Variants in TBC1D22A observed in about 807,000 individuals in gnomAD.
The protein encoded by TBC1D22A is putative GTPase activator.
TBC1D22A carries 38 observed loss-of-function variants against 60.2 expected under a neutral mutation model. That is an observed-to-expected ratio of 0.63 (90% confidence interval 0.49 to 0.83). TBC1D22A has a LOEUF of 0.83. Ranked by LOEUF, TBC1D22A falls within the 40% of genes least tolerant of loss-of-function variation. The pLI, the probability that TBC1D22A is intolerant of heterozygous loss-of-function variation, is 0.00. For synonymous variants in TBC1D22A, 302 were observed against 281.7 expected (o/e 1.07, Z -0.72); for missense variants, 628 against 701.0 (o/e 0.90, Z 1.18).
chr22:47,075,067 CA>C (rs1307750963), intron 11 of TBC1D22A, among the ~76,000 whole-genome samples: 1 of 151,988 alleles, frequency 6.6e-6, no homozygotes, highest in Non-Finnish European at 1.5e-5. Flanking sequence ...ACTAAAAATA[CA>C]AAAAATTAGC....
At chr22:47,147,931 C>T (rs922501529) in intron 12 of TBC1D22A, among the ~76,000 whole-genome samples, 1 of 152,160 alleles carries the variant, frequency 6.6e-6, no homozygotes, top group African/African-American at 2.4e-5. Flanking sequence ...AGCTGGGACC[C>T]TCTAGTCTGT....
At chr22:46,911,957 C>G in intron 7 of TBC1D22A, 117 bp from the exon 8 acceptor site, 1 of 658,392 alleles carries the variant, frequency 1.5e-6, no homozygotes, top group Non-Finnish European at 2.6e-6. Flanking sequence ...ATATTTGTAT[C>G]TTAATATTAG....
At chr22:46,984,623 A>G (rs1220186348) in intron 9 of TBC1D22A, among the ~76,000 whole-genome samples, 2 of 152,224 alleles carry the variant, frequency 1.3e-5, no homozygotes, top group African/African-American at 4.8e-5. Context: ...GAAAAGAACC[A>G]TTGCCTTTTA....
intron 1 of TBC1D22A, among the ~76,000 whole-genome samples, chr22:46,787,317 G>C (rs1286247831): frequency 2.0e-5 from 3 of 152,130 alleles, no homozygotes; most frequent in Admixed American, 2.0e-4. Context: ...GAAACAACCA[G>C]ACCAGCAGCT....
In TBC1D22A at chr22:46,984,811, G is replaced by A. The variant is rs571702117; in HGVS notation, c.1125+10412G>A. 5.3e-5 allele frequency among the ~76,000 whole-genome samples: 8 copies of A among 152,346 alleles called. No individual in the cohort carries two copies. The East Asian group carries it at 9.7e-4, about 18-fold the overall frequency. ...CTCCTTTAGAGAAAGGTCAGGAAAC[G>A]GCCAGGCCCATGACTCGGGGTGGAG... On this transcript the variant is annotated intron_variant, in intron 9 of 12. Transcript: ENST00000337137.
At chr22:47,166,723 C>G (rs543410694) in intron 12 of TBC1D22A, among the ~76,000 whole-genome samples, 1 of 152,212 alleles carries the variant, frequency 6.6e-6, no homozygotes. Flanking sequence ...GAGTGGGGCC[C>G]GGCATGAGGC....
chr22:46,827,671 G>T (rs1444907600), intron 4 of TBC1D22A, among the ~76,000 whole-genome samples: 2 of 152,168 alleles, frequency 1.3e-5, no homozygotes, highest in Non-Finnish European at 2.9e-5. Context: ...TGGTCACTTT[G>T]TGCAGCCTGG....
intron 8 of TBC1D22A, among the ~76,000 whole-genome samples, chr22:46,963,442 C>G (rs1272596087): frequency 8.9e-6 from 1 of 111,896 alleles, no homozygotes; most frequent in East Asian, 2.6e-4. Context: ...GTGTGGTGTT[C>G]TGCTTTCTCC....
At chr22:46,936,103 G>C (rs781297525) in intron 8 of TBC1D22A, among the ~76,000 whole-genome samples, 9 of 152,256 alleles carry the variant, frequency 5.9e-5, no homozygotes, top group African/African-American at 9.6e-5. Flanking sequence ...CACCTTAGTG[G>C]AGAATTTATT....
chr22:47,124,896 A>G lies in TBC1D22A; in HGVS notation c.1425+13293A>G, dbSNP rs968642065. 2.0e-5 allele frequency among the ~76,000 whole-genome samples: 3 copies of G among 152,134 alleles called. No homozygotes were observed. The East Asian group carries it at 5.8e-4, about 30-fold the overall frequency. On this transcript the variant is annotated intron_variant, in intron 12 of 12. Coordinates refer to ENST00000337137, the MANE Select transcript of TBC1D22A (RefSeq NM_014346.5). Reference sequence around the variant, plus strand: ...ACAGGCGGGCAGAGGCCTGGAGGGGACAGAGGACAAAGATGGTGCCTGCAG... The same window carrying G: ...ACAGGCGGGCAGAGGCCTGGAGGGGGCAGAGGACAAAGATGGTGCCTGCAG...
chr22:46,818,951 C>G (rs1159567270), intron 4 of TBC1D22A, among the ~76,000 whole-genome samples: 3 of 152,132 alleles, frequency 2.0e-5, no homozygotes, highest in Non-Finnish European at 4.4e-5. Flanking sequence ...TCCTTCACAT[C>G]CCTTGTTAGC....
intron 8 of TBC1D22A, among the ~76,000 whole-genome samples, chr22:46,960,537 C>CA (rs1432389876): frequency 6.6e-6 from 1 of 152,176 alleles, no homozygotes; most frequent in Non-Finnish European, 1.5e-5. Flanking sequence ...GCTGGGATTA[C>CA]AGGTGTGAGG....
chr22:46,913,334 C>T (rs776485679), intron 8 of TBC1D22A: 2 of 1,366,140 alleles, frequency 1.5e-6, no homozygotes, highest in South Asian at 1.1e-5. Context: ...GTGTTTTTAG[C>T]CTTTCCAGGT....
intron 4 of TBC1D22A, among the ~76,000 whole-genome samples, chr22:46,828,588 G>A (rs9627581): frequency 0.01 from 1,525 of 152,318 alleles, 23 homozygotes; most frequent in African/African-American, 0.035. Flanking sequence ...TCTCCCACAG[G>A]AGATCTTGTT....
chr22:46,794,335 G>A (rs1440607372), intron 3 of TBC1D22A, among the ~76,000 whole-genome samples: 1 of 152,236 alleles, frequency 6.6e-6, no homozygotes, highest in Non-Finnish European at 1.5e-5. Context: ...GCTCAGGTCT[G>A]TAGGGGCTGG....
chr22:46,803,482 G>A (rs1222565197), intron 4 of TBC1D22A, among the ~76,000 whole-genome samples: 2 of 152,034 alleles, frequency 1.3e-5, no homozygotes, highest in Non-Finnish European at 2.9e-5. Flanking sequence ...GAGCTGAGGC[G>A]GGGAGGGCGG....
chr22:46,962,009 G>A (rs763804554), intron 8 of TBC1D22A, among the ~76,000 whole-genome samples: 1 of 152,244 alleles, frequency 6.6e-6, no homozygotes, highest in Non-Finnish European at 1.5e-5. Flanking sequence ...TTCGTCAGTG[G>A]CAGGTGGTTG....
chr22:46,937,030 G>C (rs1276163171), intron 8 of TBC1D22A, among the ~76,000 whole-genome samples: 1 of 152,136 alleles, frequency 6.6e-6, no homozygotes, highest in Non-Finnish European at 1.5e-5. Flanking sequence ...TTCTTCTGTG[G>C]TCTCCTGAGG....
intron 5 of TBC1D22A, among the ~76,000 whole-genome samples, chr22:46,879,512 G>A (rs1210643234): frequency 6.6e-6 from 1 of 152,136 alleles, no homozygotes; most frequent in African/African-American, 2.4e-5. Context: ...GACTCTTTCT[G>A]GCTAATGAGC....
Sources: gnomAD v4.1 joint callset for allele counts (sites outside exome capture counted in the v4.1 genomes callset) on GRCh38, gnomAD v4.1.1 for gene constraint, MANE v1.5 for transcripts, NCBI Gene and HGNC (gene_info 2026-07-23, HGNC 2026-07-21) for gene names.